Variants in RGPD1 observed in about 807,000 individuals in gnomAD.
RGPD1 encodes RANBP2-like and GRIP domain-containing protein 1.
RGPD1 carries 7 observed loss-of-function variants against 40.6 expected under a neutral mutation model. That is an observed-to-expected ratio of 0.17 (90% CI 0.10 to 0.32). The LOEUF is 0.32. Ranked by LOEUF, RGPD1 falls within the 10% of genes least tolerant of loss-of-function variation. The probability of loss-of-function intolerance (pLI) is 1.00; values close to 1 mark genes in which losing one functional copy is unlikely to be tolerated. For missense variants in RGPD1, 50 were observed against 472.5 expected (o/e 0.11, Z 8.29); for synonymous variants, 24 against 167.0 (o/e 0.14, Z 6.60).
intron 1 of RGPD1, among the ~76,000 whole-genome samples, chr2:86,914,798 GGGCGGCGGCGGC>G (rs551941000): frequency 1.3e-3 from 1 of 746 alleles, no homozygotes; most frequent in Non-Finnish European, 2.1e-3. Flanking sequence ...CCACCTGGAC[GGGCGGCGGCGGC>G]GGCGGCGGCG....
In RGPD1 at chr2:87,013,588, C is replaced by G. The variant is rs2104873063; in HGVS notation, c.*1041C>G. 1 of 62,388 alleles carries G rather than the reference C, an allele frequency of 1.6e-5. No homozygotes were observed. Among genetic ancestry groups the G allele is most frequent in the East Asian group, 5.2e-4 (1 of 1,930 alleles). 3.9% of individuals were successfully genotyped at this position (62,388 alleles called of 1,614,324 possible). On this transcript the variant is annotated 3_prime_UTR_variant, in exon 23 of 23. Coordinates refer to ENST00000641458, the MANE Select transcript of RGPD1 (RefSeq NM_001382344.1). The stretch of plus-strand genomic sequence containing the variant: ...TTCCGAGGCTGAAAGAGATCCAACC[C>G]ACTTCTATTTCTTCAGGCTCCCAGT...
chr2:86,918,098 C>T (rs558755016), intron 1 of RGPD1, among the ~76,000 whole-genome samples: 3 of 150,228 alleles, frequency 2.0e-5, no homozygotes, highest in African/African-American at 7.3e-5. Context: ...TGTCTTTTTA[C>T]ACACATATTG....
intron 1 of RGPD1, among the ~76,000 whole-genome samples, chr2:86,924,719 G>T (rs1174773624): frequency 1.3e-5 from 2 of 151,690 alleles, no homozygotes; most frequent in Non-Finnish European, 3.0e-5. Flanking sequence ...CAGTCCTCCT[G>T]CCCCTATCTC....
At chr2:86,929,337 G>T (rs1036062676) in intron 1 of RGPD1, among the ~76,000 whole-genome samples, 19 of 151,652 alleles carry the variant, frequency 1.3e-4, no homozygotes, top group African/African-American at 4.6e-4. Flanking sequence ...AGCGGCCGGA[G>T]AACTCTGTTC....
At chr2:86,930,380 TG>T in intron 1 of RGPD1, 1 of 1,313,814 alleles carries the variant, frequency 7.6e-7, no homozygotes. Context: ...CCTCGTAGGC[TG>T]GGGGCTTGAA....
At chr2:86,942,734 C>A (rs963543320) in intron 1 of RGPD1, among the ~76,000 whole-genome samples, 4 of 150,396 alleles carry the variant, frequency 2.7e-5, no homozygotes, top group African/African-American at 9.7e-5. Flanking sequence ...ATGGCTCAGG[C>A]GTCATGGCTC....
At chr2:86,916,076 AAAAT>A (rs1287514417) in intron 1 of RGPD1, among the ~76,000 whole-genome samples, 14 of 138,456 alleles carry the variant, frequency 1.0e-4, no homozygotes, top group African/African-American at 3.5e-4. Context: ...TACAGAAAGA[AAAAT>A]AAAATCAGCC....
chr2:86,913,978 C>T lies in RGPD1; in HGVS notation c.72+57C>T. 2.7e-6 allele frequency: 3 copies of T among 1,098,228 alleles called. 1 individual carries two copies. The African/African-American group carries it at 6.0e-5, about 22-fold the overall frequency. 68.0% of individuals were successfully genotyped at this position (1,098,228 alleles called of 1,614,324 possible). A position where few individuals can be genotyped will look rare whatever the true frequency, so the allele number is the denominator to read the frequency against. On this transcript the variant is annotated intron_variant, in intron 1 of 22. Coordinates refer to the RGPD1 transcript ENST00000398193. The stretch of plus-strand genomic sequence containing the variant: ...GACCTGGCGGGGCGGTGGCCTCGAC[C>T]TGGCCGGGCGGCGGCGGCGGCCTCG...
At chr2:86,918,975 T>A (rs2104659718) in intron 1 of RGPD1, among the ~76,000 whole-genome samples, 1 of 40,178 alleles carries the variant, frequency 2.5e-5, no homozygotes, top group Admixed American at 3.1e-4. Flanking sequence ...AGTTTTATCA[T>A]AATTAACCAA....
chr2:86,956,092 A>C (rs1229002970), intron 4 of RGPD1, among the ~76,000 whole-genome samples: 1 of 143,854 alleles, frequency 7.0e-6, no homozygotes, highest in African/African-American at 2.6e-5. Flanking sequence ...TTCTCCTAAA[A>C]TTTAAGGCTT....
upstream of RGPD1, among the ~76,000 whole-genome samples, chr2:86,941,057 AAAAC>A (rs1359571669): frequency 6.6e-6 from 1 of 151,214 alleles, no homozygotes. Context: ...AAAATATGGA[AAAAC>A]AAAAAGGATA....
intron 1 of RGPD1, among the ~76,000 whole-genome samples, chr2:86,942,753 C>A (rs1323683980): frequency 5.3e-5 from 8 of 151,342 alleles, no homozygotes; most frequent in African/African-American, 1.9e-4. Context: ...TCCTGACGGG[C>A]GCTGCTCCCT....
At chr2:86,942,810 G>A (rs950830620) in intron 1 of RGPD1, among the ~76,000 whole-genome samples, 2 of 151,958 alleles carry the variant, frequency 1.3e-5, no homozygotes, top group Admixed American at 6.5e-5. Context: ...TCCTGTGGGC[G>A]GCGTGGCGCT....
At chr2:86,915,171 C>T (rs1326646590) in intron 1 of RGPD1, among the ~76,000 whole-genome samples, 2 of 150,178 alleles carry the variant, frequency 1.3e-5, no homozygotes, top group Admixed American at 6.6e-5. Context: ...TGGTGCACTT[C>T]TGTAATCTCA....
At chr2:86,918,380 C>G (rs1057323024) in intron 1 of RGPD1, among the ~76,000 whole-genome samples, 1 of 147,532 alleles carries the variant, frequency 6.8e-6, no homozygotes, top group Non-Finnish European at 1.5e-5. Context: ...AAAAATCACT[C>G]TAGACTATAA....
intron 1 of RGPD1, among the ~76,000 whole-genome samples, chr2:86,944,321 A>G (rs1680168608): frequency 6.6e-6 from 1 of 152,192 alleles, no homozygotes; most frequent in Non-Finnish European, 1.5e-5. Context: ...CTAGCATAGT[A>G]TAAATATGAA....
chr2:86,934,384 C>CTGT (rs201672534), intron 1 of RGPD1: 2 of 122,402 alleles, frequency 1.6e-5, no homozygotes, highest in East Asian at 4.9e-4. Context: ...TTCTCACTTT[C>CTGT]TGTTGTTGTT....
intron 2 of RGPD1, among the ~76,000 whole-genome samples, chr2:86,951,811 C>A (rs1680574635): frequency 3.4e-5 from 1 of 29,540 alleles, no homozygotes; most frequent in Non-Finnish European, 5.1e-5. Flanking sequence ...GGATAAGAAG[C>A]TTGGTGATTC....
At chr2:87,009,110 C>G (rs1682159079) in intron 22 of RGPD1, among the ~76,000 whole-genome samples, 2 of 134,284 alleles carry the variant, frequency 1.5e-5, no homozygotes, top group South Asian at 5.0e-4. Flanking sequence ...TCGAGACCAT[C>G]CTGGCTAACA....
Sources: gnomAD v4.1 joint callset for allele counts (sites outside exome capture counted in the v4.1 genomes callset) on GRCh38, gnomAD v4.1.1 for gene constraint, MANE v1.5 for transcripts, NCBI Gene and HGNC (gene_info 2026-07-23, HGNC 2026-07-21) for gene names.